Variants in DPP6 observed in about 807,000 individuals in gnomAD.
The protein encoded by DPP6 is A-type potassium channel modulatory protein DPP6.
DPP6 carries 69 observed loss-of-function variants against 122.6 expected under a neutral mutation model. That is an observed-to-expected ratio of 0.56 (90% CI 0.46 to 0.69). The LOEUF (loss-of-function observed/expected upper bound fraction) is 0.69. Ranked by LOEUF, DPP6 falls within the 30% of genes least tolerant of loss-of-function variation. The probability of loss-of-function intolerance (pLI) is 0.00; values close to 1 mark genes in which losing one functional copy is unlikely to be tolerated. For missense variants in DPP6, 928 were observed against 1,116.9 expected (o/e 0.83, Z 2.41); for synonymous variants, 418 against 433.1 (o/e 0.97, Z 0.43).
chr7:154,002,658 G>A (rs6464379), intron 1 of DPP6, among the ~76,000 whole-genome samples: 19,690 of 151,922 alleles, frequency 0.13, 1,658 homozygotes, highest in African/African-American at 0.25. Flanking sequence ...TCACTTGGTG[G>A]GACCATGTTG....
intron 1 of DPP6, among the ~76,000 whole-genome samples, chr7:154,336,877 C>T (rs1408217849): frequency 6.6e-6 from 1 of 152,148 alleles, no homozygotes; most frequent in Non-Finnish European, 1.5e-5. Flanking sequence ...CCTTGCACAC[C>T]TGAACTGAGG....
the DPP6 span, among the ~76,000 whole-genome samples, chr7:153,833,687 G>A: frequency 1.1e-4 from 16 of 151,698 alleles, no homozygotes; most frequent in Admixed American, 1.1e-3. Flanking sequence ...AAAAAAAAAG[G>A]TGGGGGTGTG....
chr7:154,323,241 C>T (rs899771012), intron 1 of DPP6, among the ~76,000 whole-genome samples: 15 of 151,858 alleles, frequency 9.9e-5, no homozygotes, highest in African/African-American at 3.4e-4. Flanking sequence ...ATAGCTCTAT[C>T]GTGAAAGTCT....
At chr7:154,210,174 C>T (rs1002655006) in intron 1 of DPP6, among the ~76,000 whole-genome samples, 6 of 152,146 alleles carry the variant, frequency 3.9e-5, no homozygotes, top group Admixed American at 1.3e-4. Flanking sequence ...CTTGTCCAGC[C>T]AAGGGGAACC....
the DPP6 span, among the ~76,000 whole-genome samples, chr7:153,845,200 A>G: frequency 6.6e-6 from 1 of 152,114 alleles, no homozygotes; most frequent in Non-Finnish European, 1.5e-5. Flanking sequence ...TTATAGGTCA[A>G]CCTCGCTTTT....
chr7:154,461,039 C>T (rs1821257908), intron 2 of DPP6, among the ~76,000 whole-genome samples: 1 of 148,006 alleles, frequency 6.8e-6, no homozygotes. Flanking sequence ...AACCATTTTT[C>T]TACTCCCTAG....
At chr7:153,918,557 ACACACACAGTCTCTCT>A (rs1800463236) in intron 1 of DPP6, among the ~76,000 whole-genome samples, 1 of 131,232 alleles carries the variant, frequency 7.6e-6, no homozygotes, top group African/African-American at 3.1e-5. Flanking sequence ...ACACACACAC[ACACACACAGTCTCTCT>A]CTCTCTCTCT....
intron 1 of DPP6, among the ~76,000 whole-genome samples, chr7:154,180,277 G>A (rs1035429132): frequency 6.6e-6 from 1 of 151,410 alleles, no homozygotes; most frequent in Admixed American, 6.6e-5. Context: ...GAACCCGGGA[G>A]GTGGAGGCTG....
intron 1 of DPP6, among the ~76,000 whole-genome samples, chr7:153,903,641 C>T (rs1480413497): frequency 6.6e-6 from 1 of 152,092 alleles, no homozygotes; most frequent in East Asian, 1.9e-4. Context: ...TTATTAATGC[C>T]CTGTTGACTG....
intron 3 of DPP6, among the ~76,000 whole-genome samples, chr7:154,501,248 AT>A (rs1320259904): frequency 9.0e-6 from 1 of 111,658 alleles, no homozygotes; most frequent in Non-Finnish European, 2.1e-5. Flanking sequence ...TGACAACATG[AT>A]AGAAAAAAAA....
chr7:154,170,882 G>A lies in DPP6; in HGVS notation c.243+117819G>A, dbSNP rs1797502588. ...TAGAGCCACATTCACGGTAGGAGAT[G>A]GGTCTTCCCAGTGTGACTGGACTCA... On this transcript the variant is annotated intron_variant, in intron 1 of 25. Transcript: ENST00000377770. 2.0e-5 allele frequency among the ~76,000 whole-genome samples: 3 copies of A among 152,134 alleles called. 1 individual carries two copies. Among genetic ancestry groups the A allele is most frequent in the Admixed American group, 2.0e-4 (3 of 15,266 alleles).
chr7:154,511,007 C>T (rs961034182), intron 3 of DPP6, among the ~76,000 whole-genome samples: 1 of 150,064 alleles, frequency 6.7e-6, no homozygotes, highest in Non-Finnish European at 1.5e-5. Context: ...TAGACCCTGG[C>T]GTGGAGGAGG....
chr7:154,223,330 T>A (rs1800413003), intron 1 of DPP6, among the ~76,000 whole-genome samples: 1 of 149,482 alleles, frequency 6.7e-6, no homozygotes, highest in African/African-American at 2.5e-5. Flanking sequence ...GTTTTGCAAA[T>A]ATTCTTTAAG....
At chr7:154,800,597 C>T (rs1436772772) in intron 12 of DPP6, among the ~76,000 whole-genome samples, 3 of 152,196 alleles carry the variant, frequency 2.0e-5, no homozygotes, top group African/African-American at 7.2e-5. Flanking sequence ...GGTGGCGACA[C>T]CTGCCCTAAA....
chr7:153,776,579 G>C, the DPP6 span, among the ~76,000 whole-genome samples: 1,659 of 152,250 alleles, frequency 0.011, 14 homozygotes, highest in Non-Finnish European at 0.019. Flanking sequence ...CATGAGAACA[G>C]ACTAACACAG....
chr7:153,865,776 A>T, the DPP6 span, among the ~76,000 whole-genome samples: 6 of 150,106 alleles, frequency 4.0e-5, no homozygotes, highest in Non-Finnish European at 7.4e-5. Context: ...AGCATTAGGT[A>T]TATCTCCTAA....
At chr7:154,805,099 G>C (rs1798613436) in intron 15 of DPP6, 135 bp downstream of exon 15, 3 of 1,237,628 alleles carry the variant, frequency 2.4e-6, no homozygotes, top group Non-Finnish European at 3.3e-6. Context: ...TAGCTGTAGA[G>C]TCTGGAGAGA....
chr7:153,816,006 T>C, the DPP6 span, among the ~76,000 whole-genome samples: 19 of 152,184 alleles, frequency 1.2e-4, no homozygotes, highest in East Asian at 3.5e-3. Flanking sequence ...CCACATATCA[T>C]ACCCCAATCT....
intron 1 of DPP6, among the ~76,000 whole-genome samples, chr7:154,162,415 G>A (rs1052901953): frequency 6.6e-6 from 1 of 152,166 alleles, no homozygotes; most frequent in Admixed American, 6.5e-5. Context: ...ACACTTAAGG[G>A]TTACAAAAGG....
Sources: gnomAD v4.1 joint callset for allele counts (sites outside exome capture counted in the v4.1 genomes callset) on GRCh38, gnomAD v4.1.1 for gene constraint, MANE v1.5 for transcripts, NCBI Gene and HGNC (gene_info 2026-07-23, HGNC 2026-07-21) for gene names.